The following RAB28 variants were observed in gnomAD, a reference collection of about 807,000 sequenced individuals.
The protein encoded by RAB28 is RAB28, member RAS oncogene family.
Under a neutral mutation model 31.7 loss-of-function variants are expected in RAB28, and 24 were observed. The observed-to-expected ratio is 0.76, with a 90% CI of 0.55 to 1.06. The LOEUF is 1.06. Ranked by LOEUF, RAB28 falls within the 50% of genes least tolerant of loss-of-function variation. The pLI is 0.00. For synonymous variants in RAB28, 100 were observed against 90.4 expected, an observed-to-expected ratio of 1.11 and a Z score of -0.60; for missense variants, 254 against 258.5, an observed-to-expected ratio of 0.98 and a Z score of 0.12.
rs771623776 is a variant in RAB28, at chr4:13,460,798, A to G, written c.292T>C (p.Tyr98His). The G allele has an allele frequency of 6.2e-7, 1 of 1,613,544 alleles. No individual in the cohort carries two copies. The highest frequency in any genetic ancestry group is 8.5e-7 in the Non-Finnish European group (1 of 1,179,540). The change falls in exon 4 of 7, where the codon TAT (tyrosine) becomes CAT (histidine). Residue 98 changes from tyrosine (Y) to histidine (H), a missense_variant. Tyr to His is a moderately conservative substitution (Grantham distance 83). Coordinates refer to ENST00000330852, the MANE Select transcript of RAB28 (RefSeq NM_001017979.3). Reference sequence around the variant, plus strand: ...TCTTCTAAATTCTCAAAGCTTTGATAATTTGTAATATCATATACCAAGAGG... The same window carrying G: ...TCTTCTAAATTCTCAAAGCTTTGATGATTTGTAATATCATATACCAAGAGG... Reference protein sequence around the residue: ...GVLLVYDITNYQSFENLEDWY... With the variant: ...GVLLVYDITNHQSFENLEDWY...
intron 1 of RAB28, among the ~76,000 whole-genome samples, chr4:13,480,010 C>T (rs1009129736): frequency 1.3e-5 from 2 of 151,526 alleles, no homozygotes; most frequent in African/African-American, 4.8e-5. Context: ...ACAAGAAAAG[C>T]ACCGTATGTA....
intron 4 of RAB28, among the ~76,000 whole-genome samples, chr4:13,418,353 C>T (rs1312899058): frequency 1.3e-5 from 2 of 152,146 alleles, no homozygotes; most frequent in Non-Finnish European, 2.9e-5. Flanking sequence ...AGGAGAACTT[C>T]CCCAACCCAG....
At chr4:13,461,883 T>C (rs73231523) in intron 3 of RAB28, among the ~76,000 whole-genome samples, 2,101 of 152,322 alleles carry the variant, frequency 0.014, 24 homozygotes, top group Middle Eastern at 0.044. Flanking sequence ...CGTCAAGGTC[T>C]CCTCATTAAT....
chr4:13,373,390 T>C (rs934585854), intron 6 of RAB28, among the ~76,000 whole-genome samples: 15 of 152,138 alleles, frequency 9.9e-5, no homozygotes, highest in African/African-American at 3.6e-4. Flanking sequence ...ACATAAATGA[T>C]GCAAATGAAA....
chr4:13,368,405 C>A lies in RAB28; in HGVS notation c.*153G>T, dbSNP rs1728590987. 7.9e-7 allele frequency: 1 copy of A among 1,265,052 alleles called. No individual in the cohort carries two copies. 78.4% of individuals were successfully genotyped at this position (1,265,052 alleles called of 1,614,324 possible). ...CTTTCAAATCCAAGGAGCTGCCTGC[C>A]ACTGTGAGGCAATAGCAATGATGAA... On this transcript the variant is annotated 3_prime_UTR_variant, in exon 7 of 7. Transcript: ENST00000330852.
chr4:13,396,239 A>G (rs1729868739), intron 4 of RAB28, among the ~76,000 whole-genome samples: 1 of 152,060 alleles, frequency 6.6e-6, no homozygotes. Context: ...GTTATCAGGG[A>G]AACATCTTGA....
intron 4 of RAB28, among the ~76,000 whole-genome samples, chr4:13,397,802 A>G (rs192344548): frequency 1.3e-5 from 2 of 152,278 alleles, no homozygotes; most frequent in South Asian, 2.1e-4. Context: ...CTTTGCTTCT[A>G]GCAATTCTCC....
rs556321772 is a variant in RAB28, at chr4:13,403,682, T to A, written c.392-22088A>T. 3.3e-5 allele frequency among the ~76,000 whole-genome samples: 5 copies of A among 152,338 alleles called. No homozygotes were observed. The East Asian group carries it at 9.6e-4, about 29-fold the overall frequency. On this transcript the variant is annotated intron_variant, in intron 4 of 6. Transcript: ENST00000330852. The stretch of plus-strand genomic sequence containing the variant: ...CTGCTTCCTGTAAAGTGCCCCGGCG[T>A]ACCAAGTACATCATTTTAAGATAAT...
At chr4:13,371,826 TTATTCTC>T in intron 6 of RAB28, 1 of 1,547,552 alleles carries the variant, frequency 6.5e-7, no homozygotes, top group African/African-American at 1.4e-5. Context: ...GCACACTCGA[TTATTCTC>T]TATTAGTTGA....
intron 4 of RAB28, among the ~76,000 whole-genome samples, chr4:13,383,964 G>C (rs1389134061): frequency 6.6e-6 from 1 of 152,124 alleles, no homozygotes; most frequent in Non-Finnish European, 1.5e-5. Flanking sequence ...GTGCAGTCTT[G>C]GATGTACTGG....
At chr4:13,479,304 T>G in intron 2 of RAB28, 126 bp downstream of exon 2, 2 of 649,166 alleles carry the variant, frequency 3.1e-6, no homozygotes, top group Non-Finnish European at 5.3e-6. Flanking sequence ...ATCCCTAAGA[T>G]AAATTTACTG....
intron 4 of RAB28, among the ~76,000 whole-genome samples, chr4:13,443,967 T>C (rs1714554140): frequency 6.6e-6 from 1 of 152,116 alleles, no homozygotes; most frequent in South Asian, 2.1e-4. Context: ...TTATTTTACT[T>C]AGCATAATGT....
At chr4:13,396,604 T>C (rs966296515) in intron 4 of RAB28, among the ~76,000 whole-genome samples, 1 of 152,060 alleles carries the variant, frequency 6.6e-6, no homozygotes, top group Non-Finnish European at 1.5e-5. Context: ...ATCCACGTGT[T>C]CCACAAACAG....
chr4:13,435,463 C>G (rs1714046407), intron 4 of RAB28, among the ~76,000 whole-genome samples: 2 of 151,718 alleles, frequency 1.3e-5, no homozygotes, highest in African/African-American at 4.8e-5. Flanking sequence ...AAAAAATAAA[C>G]AAGACTGATA....
intron 5 of RAB28, among the ~76,000 whole-genome samples, chr4:13,380,442 A>G (rs1023860072): frequency 1.3e-5 from 2 of 151,852 alleles, no homozygotes; most frequent in African/African-American, 4.8e-5. Context: ...AAAAATGGTC[A>G]TAGAAAATTT....
At chr4:13,454,107 T>C (rs1488167600) in intron 4 of RAB28, among the ~76,000 whole-genome samples, 1 of 152,160 alleles carries the variant, frequency 6.6e-6, no homozygotes. Context: ...TTTTTCTGCA[T>C]GGTCTAAATC....
At position 13,474,410 on chromosome 4, in the gene RAB28, G is replaced by A; in HGVS notation, c.173-4C>T. On this transcript the variant is annotated splice_region_variant and splice_polypyrimidine_tract_variant and intron_variant, in intron 2 of 6. Coordinates refer to ENST00000330852, the MANE Select transcript of RAB28 (RefSeq NM_001017979.3). ...TGAAGGGTAACATTCAAGTTTCCTA[G>A]AATATAAAAAATGAATATAAAAATA... 6.6e-7 allele frequency: 1 copy of A among 1,518,164 alleles called. No individual in the cohort carries two copies. 94.0% of individuals were successfully genotyped at this position (1,518,164 alleles called of 1,614,324 possible).
rs75143926 is a variant in RAB28, at chr4:13,470,843, G to T, written c.261+3475C>A. Among the ~76,000 whole-genome samples the T allele has an allele frequency of 4.6e-3, 697 of 152,114 alleles. 6 individuals carry two copies. Among genetic ancestry groups the T allele is most frequent in the African/African-American group, 0.016 (664 of 41,522 alleles). ...AAATACCTCACTAATTCTTTTTGGG[G>T]TGTCAATTCAATTTAGTTTTCATCA... On this transcript the variant is annotated intron_variant, in intron 3 of 6. Transcript: ENST00000330852.
chr4:13,381,473 A>C lies in RAB28; in HGVS notation c.495+18T>G. 1 of 1,515,088 alleles carries C rather than the reference A, an allele frequency of 6.6e-7. No homozygotes were observed. Among genetic ancestry groups the C allele is most frequent in the Non-Finnish European group, 9.2e-7 (1 of 1,091,732 alleles). 93.9% of individuals were successfully genotyped at this position (1,515,088 alleles called of 1,614,324 possible). ...ATAAAAGGAAAACATCACATACAGT[A>C]TTCATTATTTTACTTACAGAGTCTC... is the stretch of plus-strand genomic sequence containing the variant. On this transcript the variant is annotated intron_variant, in intron 5 of 6. Coordinates refer to ENST00000330852, the MANE Select transcript of RAB28 (RefSeq NM_001017979.3).
Sources: allele counts gnomAD v4.1 joint callset (sites outside exome capture counted in the v4.1 genomes callset), GRCh38; gene constraint gnomAD v4.1.1; transcripts MANE v1.5; gene names NCBI Gene and HGNC (gene_info 2026-07-23, HGNC 2026-07-21).